DGKB: variants seen among roughly 807,000 people sequenced by gnomAD.
DGKB encodes the protein diacylglycerol kinase beta.
DGKB carries 67 observed loss-of-function variants against 114.3 expected under a neutral mutation model. The ratio of observed to expected loss-of-function variants is 0.59; its 90% CI spans 0.48 to 0.72. The LOEUF (loss-of-function observed/expected upper bound fraction) is 0.72. DGKB is among the 30% of genes least tolerant of loss of function. The pLI, the probability that DGKB is intolerant of heterozygous loss-of-function variation, is 0.00. For synonymous variants in DGKB, 398 were observed against 323.1 expected, an observed-to-expected ratio of 1.23 and a Z score of -2.49; for missense variants, 907 against 975.2, an observed-to-expected ratio of 0.93 and a Z score of 0.93.
At chr7:14,674,564 T>C (rs1040480825) in intron 12 of DGKB, among the ~76,000 whole-genome samples, 4 of 152,140 alleles carry the variant, frequency 2.6e-5, no homozygotes, top group Non-Finnish European at 1.5e-5. Context: ...GCTGAAGTCC[T>C]AACTTCTGGG....
At chr7:14,953,248 T>C (rs1055117942) in intron 1 of DGKB, among the ~76,000 whole-genome samples, 4 of 152,042 alleles carry the variant, frequency 2.6e-5, no homozygotes, top group Non-Finnish European at 5.9e-5. Flanking sequence ...TCAAAGAACA[T>C]CATCAAAAAA....
intron 21 of DGKB, among the ~76,000 whole-genome samples, chr7:14,445,588 A>G (rs1830622083): frequency 6.6e-6 from 1 of 152,052 alleles, no homozygotes; most frequent in Non-Finnish European, 1.5e-5. Flanking sequence ...GGTAAAATGC[A>G]TAATCTGAAG....
intron 17 of DGKB, among the ~76,000 whole-genome samples, chr7:14,597,578 T>C (rs1802803519): frequency 6.6e-6 from 1 of 152,212 alleles, no homozygotes; most frequent in South Asian, 2.1e-4. Flanking sequence ...TGTAGATTTC[T>C]ATATGCTGAT....
At chr7:14,636,569 C>T (rs575397106) in intron 13 of DGKB, among the ~76,000 whole-genome samples, 4 of 151,714 alleles carry the variant, frequency 2.6e-5, no homozygotes, top group Non-Finnish European at 3.0e-5. Context: ...GTACATACAT[C>T]GGTGTGTGTC....
Position 14,583,146 on chromosome 7 carries a change from T to A in DGKB, c.1434-9A>T. 2 of 1,582,668 alleles carry A rather than the reference T, an allele frequency of 1.3e-6. No individual in the cohort carries two copies. The highest frequency in any genetic ancestry group is 1.7e-6 in the Non-Finnish European group (2 of 1,153,342). ...CACGGAAAAAGTTTAACCTGAAAAA[T>A]AAGCATGTTATGGCACATGATTAAT... On this transcript the variant is annotated splice_polypyrimidine_tract_variant and intron_variant, in intron 17 of 25. Coordinates refer to ENST00000402815, the MANE Select transcript of DGKB (RefSeq NM_001350709.2).
At chr7:14,235,807 C>T (rs73067853) in intron 23 of DGKB, among the ~76,000 whole-genome samples, 3,431 of 152,110 alleles carry the variant, frequency 0.023, 56 homozygotes, top group Non-Finnish European at 0.032. Context: ...TGATGTTTAG[C>T]TCCTTGAAAC....
At position 14,972,920 on chromosome 7, in the gene DGKB, T is replaced by C. The variant is rs1328363252; in HGVS notation, c.-188+1776A>G. Reference sequence around the variant, plus strand: ...TGTATACATACATATAGGTGGGAGCTTGCAGAAAGTGGGTTAACGTTATAT... The same window carrying C: ...TGTATACATACATATAGGTGGGAGCCTGCAGAAAGTGGGTTAACGTTATAT... On this transcript the variant is annotated intron_variant, in intron 1 of 4. Transcript: ENST00000437998. Among the ~76,000 whole-genome samples, 5 of 152,060 alleles carry C rather than the reference T, an allele frequency of 3.3e-5. No homozygotes were observed. In the East Asian group the frequency reaches 9.7e-4, roughly 29 times the overall value.
At chr7:14,775,818 A>G (rs187991229) in intron 2 of DGKB, among the ~76,000 whole-genome samples, 1 of 152,228 alleles carries the variant, frequency 6.6e-6, no homozygotes, top group African/African-American at 2.4e-5. Context: ...GTAGTGTGAG[A>G]ATGGACTAAA....
chr7:14,184,981 C>T lies in DGKB; in HGVS notation c.2123-6830G>A, dbSNP rs529181938. Among the ~76,000 whole-genome samples the T allele has an allele frequency of 3.9e-5, 6 of 152,292 alleles. No homozygotes were observed. The South Asian group carries it at 1.2e-3, about 32-fold the overall frequency. The stretch of plus-strand genomic sequence containing the variant: ...AACTGGAACAAGACAAGGATGCCCA[C>T]TCTCACCACTACTCTTCAACATAGT... On this transcript the variant is annotated intron_variant, in intron 23 of 25. Transcript: ENST00000402815.
intron 21 of DGKB, among the ~76,000 whole-genome samples, chr7:14,351,143 T>G (rs949536294): frequency 2.6e-5 from 4 of 152,228 alleles, no homozygotes; most frequent in African/African-American, 9.6e-5. Context: ...GAGTAAGTGT[T>G]TAAAGTGGGT....
intron 9 of DGKB, among the ~76,000 whole-genome samples, chr7:14,690,557 A>G (rs1355957440): frequency 1.3e-5 from 2 of 152,266 alleles, no homozygotes; most frequent in Non-Finnish European, 2.9e-5. Flanking sequence ...GCACTGAGTC[A>G]AACCTGGCCA....
intron 2 of DGKB, among the ~76,000 whole-genome samples, chr7:14,769,123 AAGAG>A (rs756712026): frequency 0.083 from 7,340 of 88,900 alleles, 378 homozygotes; most frequent in African/African-American, 0.21. Context: ...GAAAGAAAGA[AAGAG>A]AGAGAGAGAA....
At chr7:14,384,881 G>A (rs1183892020) in intron 21 of DGKB, among the ~76,000 whole-genome samples, 1 of 152,124 alleles carries the variant, frequency 6.6e-6, no homozygotes. Context: ...TCAACACAAG[G>A]AACTATCTGG....
At chr7:14,700,872 A>G (rs532531239) in intron 7 of DGKB, among the ~76,000 whole-genome samples, 3 of 152,308 alleles carry the variant, frequency 2.0e-5, no homozygotes, top group East Asian at 1.9e-4. Flanking sequence ...CACTTATTCT[A>G]TTAATATTCT....
At position 14,216,702 on chromosome 7, in the gene DGKB, G is replaced by C. The variant is rs1225499162; in HGVS notation, c.2123-38551C>G. 3.4e-5 allele frequency among the ~76,000 whole-genome samples: 5 copies of C among 146,162 alleles called. 1 individual carries two copies. The South Asian group carries it at 6.6e-4, about 19-fold the overall frequency. On this transcript the variant is annotated intron_variant, in intron 23 of 25. Transcript: ENST00000402815. ...GATTGAAACATTACACTCCAACCTGGGTGACAGAGCAAGACTCCGTCTCAA... is the reference window on the plus strand; with the variant it reads ...GATTGAAACATTACACTCCAACCTGCGTGACAGAGCAAGACTCCGTCTCAA...
At chr7:14,243,925 A>G (rs886385849) in intron 23 of DGKB, among the ~76,000 whole-genome samples, 1 of 152,138 alleles carries the variant, frequency 6.6e-6, no homozygotes, top group Non-Finnish European at 1.5e-5. Context: ...CAAATCACCT[A>G]ACTTGAGTAA....
At chr7:14,704,838 C>A (rs553858507) in intron 6 of DGKB, among the ~76,000 whole-genome samples, 4 of 152,146 alleles carry the variant, frequency 2.6e-5, no homozygotes, top group African/African-American at 9.6e-5. Flanking sequence ...TCATCAAACA[C>A]CAAAAGTAGA....
chr7:14,572,061 A>G (rs191444141), intron 20 of DGKB, among the ~76,000 whole-genome samples: 2 of 152,280 alleles, frequency 1.3e-5, no homozygotes, highest in Admixed American at 6.5e-5. Context: ...GCAAACAAAC[A>G]AGGTCTCTGA....
chr7:14,431,818 T>C (rs1828492904), intron 21 of DGKB, among the ~76,000 whole-genome samples: 1 of 152,048 alleles, frequency 6.6e-6, no homozygotes, highest in Non-Finnish European at 1.5e-5. Context: ...ATAAAAAATA[T>C]ATTAAAGAAA....
Sources: gnomAD v4.1 joint callset for allele counts (sites outside exome capture counted in the v4.1 genomes callset) on GRCh38, gnomAD v4.1.1 for gene constraint, MANE v1.5 for transcripts, NCBI Gene and HGNC (gene_info 2026-07-23, HGNC 2026-07-21) for gene names.